Variants in DTNA observed in about 807,000 individuals in gnomAD.
The protein encoded by DTNA is dystrobrevin alpha.
A neutral mutation model predicts 100.7 loss-of-function variants in DTNA; 43 were observed. The ratio of observed to expected loss-of-function variants is 0.43; its 90% CI spans 0.33 to 0.55. The LOEUF (loss-of-function observed/expected upper bound fraction) is 0.55, where lower values mean the gene tolerates loss of function less well. Among genes scored for constraint, DTNA ranks in the 20% least tolerant of loss-of-function variants. The pLI is 0.04. For synonymous variants in DTNA, 349 were observed against 347.9 expected (o/e 1.00, Z -0.04); for missense variants, 798 against 953.9 (o/e 0.84, Z 2.15).
At chr18:34,814,673 C>A (rs990396700) in intron 6 of DTNA, among the ~76,000 whole-genome samples, 7 of 151,476 alleles carry the variant, frequency 4.6e-5, no homozygotes, top group Non-Finnish European at 8.8e-5. Flanking sequence ...GCCTGGGCAG[C>A]AGAGTGAGAT....
rs547179055 is a variant in DTNA at position 34,776,268 on chromosome 18, C to CCATT, written c.148+10229_148+10232dup. Among the ~76,000 whole-genome samples, 60 of 152,262 alleles carry CCATT rather than the reference C, an allele frequency of 3.9e-4. 1 individual carries two copies. Among genetic ancestry groups the CCATT allele is most frequent in the South Asian group, 2.5e-3 (12 of 4,820 alleles). ...GTGGGAGAGAGAAGTCAAAAGTCAA[C>CCATT]CATTCTGAGTAATGACACCCCCAAA... On this transcript the variant is annotated intron_variant, in intron 3 of 22. Coordinates refer to ENST00000444659, the MANE Select transcript of DTNA (RefSeq NM_001386795.1).
At chr18:34,753,670 C>A (rs552201943) in intron 1 of DTNA, among the ~76,000 whole-genome samples, 1 of 141,968 alleles carries the variant, frequency 7.0e-6, no homozygotes, top group East Asian at 1.9e-4. Context: ...GCGTGAGCCA[C>A]CGCGCCCGGC....
chr18:34,694,295 A>T (rs2080206211), intron 1 of DTNA, among the ~76,000 whole-genome samples: 1 of 152,218 alleles, frequency 6.6e-6, no homozygotes, highest in Admixed American at 6.5e-5. Flanking sequence ...TGGATGGAGC[A>T]ATGTTTTTCC....
chr18:34,579,430 C>T (rs763084685), intron 1 of DTNA, among the ~76,000 whole-genome samples: 2 of 152,302 alleles, frequency 1.3e-5, no homozygotes, highest in Admixed American at 6.5e-5. Context: ...TTCAGGCTTT[C>T]AGCAAGAATT....
intron 1 of DTNA, among the ~76,000 whole-genome samples, chr18:34,500,486 C>CT (rs2039779858): frequency 6.6e-6 from 1 of 150,548 alleles, no homozygotes; most frequent in African/African-American, 2.4e-5. Flanking sequence ...TGTTTTGAGA[C>CT]TGAGTCTCAT....
At chr18:34,866,714 T>C (rs1303547361) in intron 17 of DTNA, 11 of 995,858 alleles carry the variant, frequency 1.1e-5, no homozygotes, top group Non-Finnish European at 1.3e-5. Flanking sequence ...AGAGAAAGAC[T>C]GTACTCCATA....
At chr18:34,874,489 T>C (rs2096795724) in intron 17 of DTNA, among the ~76,000 whole-genome samples, 1 of 152,252 alleles carries the variant, frequency 6.6e-6, no homozygotes, top group Non-Finnish European at 1.5e-5. Context: ...AGTGCAAAGA[T>C]AAGTTCCTTC....
At chr18:34,621,541 G>A (rs2056505612) in intron 1 of DTNA, among the ~76,000 whole-genome samples, 1 of 151,320 alleles carries the variant, frequency 6.6e-6, no homozygotes, top group Non-Finnish European at 1.5e-5. Context: ...GGATGAACTT[G>A]AAGGACATCA....
intron 1 of DTNA, among the ~76,000 whole-genome samples, chr18:34,496,231 C>CACACAG (rs2039199563): frequency 1.3e-5 from 2 of 151,738 alleles, no homozygotes; most frequent in South Asian, 4.2e-4. Context: ...CACACACACA[C>CACACAG]ACACACACAC....
intron 16 of DTNA, among the ~76,000 whole-genome samples, chr18:34,863,152 T>G (rs1001499192): frequency 1.3e-5 from 2 of 152,226 alleles, no homozygotes; most frequent in African/African-American, 4.8e-5. Context: ...TTGGAAAGTA[T>G]ACATATACTT....
intron 1 of DTNA, among the ~76,000 whole-genome samples, chr18:34,496,071 A>G (rs1435081823): frequency 6.6e-6 from 1 of 152,154 alleles, no homozygotes; most frequent in Non-Finnish European, 1.5e-5. Context: ...TTCAATATGT[A>G]TAATTTCAAA....
intron 1 of DTNA, among the ~76,000 whole-genome samples, chr18:34,525,931 A>T (rs1402779746): frequency 1.3e-5 from 2 of 152,172 alleles, no homozygotes; most frequent in Admixed American, 1.3e-4. Context: ...ACGGGGCTCA[A>T]GTCCCCTGTT....
At chr18:34,796,277 A>G (rs1222181199) in intron 4 of DTNA, among the ~76,000 whole-genome samples, 1 of 152,268 alleles carries the variant, frequency 6.6e-6, no homozygotes, top group Non-Finnish European at 1.5e-5. Context: ...TGGATATGAA[A>G]TGTAAGCCAT....
chr18:34,883,457 A>G (rs2150425804), intron 21 of DTNA, among the ~76,000 whole-genome samples: 1 of 152,082 alleles, frequency 6.6e-6, no homozygotes, highest in South Asian at 2.1e-4. Flanking sequence ...CTACAGGTGC[A>G]CACCACCATG....
rs192727664 is a variant in DTNA at position 34,768,141 on chromosome 18, C to T, written c.148+2100C>T. 7.7e-4 allele frequency among the ~76,000 whole-genome samples: 118 copies of T among 152,258 alleles called. 1 individual carries two copies. The highest frequency in any genetic ancestry group is 1.1e-3 in the Non-Finnish European group (78 of 68,024). On this transcript the variant is annotated intron_variant, in intron 3 of 22. Coordinates refer to ENST00000444659, the MANE Select transcript of DTNA (RefSeq NM_001386795.1). Reference sequence around the variant, plus strand: ...GGATATGATTGTCCCACGTTCTTATCATGTGTTACCACTACAATGGCCTCA... The same window carrying T: ...GGATATGATTGTCCCACGTTCTTATTATGTGTTACCACTACAATGGCCTCA...
At chr18:34,806,105 C>A (rs1029593900) in intron 4 of DTNA, 114 bp from the exon 5 acceptor site, 7 of 875,406 alleles carry the variant, frequency 8.0e-6, no homozygotes, top group South Asian at 7.2e-5. Flanking sequence ...AGCTATGTAT[C>A]CTGTGATTTC....
In DTNA at chr18:34,822,794, G is replaced by A. The variant is rs560405220; in HGVS notation, c.1001+1879G>A. 1.4e-3 allele frequency among the ~76,000 whole-genome samples: 216 copies of A among 152,236 alleles called. 1 individual carries two copies. Among genetic ancestry groups the A allele is most frequent in the Non-Finnish European group, 2.2e-3 (153 of 68,008 alleles). On this transcript the variant is annotated intron_variant, in intron 9 of 22. Coordinates refer to ENST00000444659, the MANE Select transcript of DTNA (RefSeq NM_001386795.1). The stretch of plus-strand genomic sequence containing the variant: ...ACTGAGGGCTATAGCCTCACAATGC[G>A]TTCTTAGTTTATGTTCCATGGAGAG...
chr18:34,505,371 A>T (rs1234362053), intron 1 of DTNA, among the ~76,000 whole-genome samples: 1 of 152,176 alleles, frequency 6.6e-6, no homozygotes, highest in Non-Finnish European at 1.5e-5. Context: ...CATTCTCCTT[A>T]TCTGAAGAGT....
chr18:34,816,360 G>C (rs2095597639), intron 7 of DTNA, among the ~76,000 whole-genome samples: 1 of 152,078 alleles, frequency 6.6e-6, no homozygotes, highest in African/African-American at 2.4e-5. Context: ...ACACGGTACT[G>C]ATTATTTCTT....
Sources: allele counts gnomAD v4.1 joint callset (sites outside exome capture counted in the v4.1 genomes callset), GRCh38; gene constraint gnomAD v4.1.1; transcripts MANE v1.5; gene names NCBI Gene and HGNC (gene_info 2026-07-23, HGNC 2026-07-21).